AK3: variants seen among roughly 807,000 people sequenced by gnomAD.
AK3 encodes adenylate kinase 3.
AK3 carries 27 observed loss-of-function variants against 23.7 expected under a neutral mutation model. The ratio of observed to expected loss-of-function variants is 1.14; its 90% CI spans 0.84 to 1.57. The LOEUF (loss-of-function observed/expected upper bound fraction) is 1.57, where lower values mean the gene tolerates loss of function less well. AK3 is among the 40% of genes most tolerant of loss of function. The probability of loss-of-function intolerance (pLI) is 0.00; values close to 1 mark genes in which losing one functional copy is unlikely to be tolerated. For synonymous variants in AK3, 159 were observed against 116.0 expected (o/e 1.37, Z -2.38); for missense variants, 406 against 285.6 (o/e 1.42, Z -3.04).
rs778490978 is a variant in AK3, at chr9:4,740,946, G to A, written c.142C>T (p.Arg48Trp). The change falls in exon 1 of 5, where the codon CGG becomes TGG. Residue 48 changes from arginine to tryptophan, a missense_variant. Physicochemically the swap from Arg to Trp is moderately radical, Grantham distance 101 (BLOSUM62 -3). Transcript: ENST00000381809. ...GGCCCAGAGCTCCCACCTGTGCCCC[G>A]CAGCATGTTGTCCCGGAGCAGGTCC... ...SGDLLRDNML[R>W]GTEIGVLAKA... 1.3e-6 allele frequency: 2 copies of A among 1,568,840 alleles called. No homozygotes were observed. The highest frequency in any genetic ancestry group is 2.3e-5 in the South Asian group (2 of 86,360).
chr9:4,722,628 A>C lies in AK3; in HGVS notation c.152-3T>G. On this transcript the variant is annotated splice_region_variant and splice_polypyrimidine_tract_variant and intron_variant, in intron 1 of 4. Coordinates refer to ENST00000381809, the MANE Select transcript of AK3 (RefSeq NM_016282.4). Reference sequence around the variant, plus strand: ...AGCCTTGGCTAACACGCCAATTTCTACAGCAAAGCGGGGAAAAAAATCAGT... The same window carrying C: ...AGCCTTGGCTAACACGCCAATTTCTCCAGCAAAGCGGGGAAAAAAATCAGT... 1.2e-6 allele frequency: 2 copies of C among 1,614,186 alleles called. No homozygotes were observed. The highest frequency in any genetic ancestry group is 1.7e-6 in the Non-Finnish European group (2 of 1,180,016).
At chr9:4,741,206 G>T, upstream of AK3, 1 of 1,137,874 alleles carries the variant, frequency 8.8e-7, no homozygotes, top group Non-Finnish European at 1.1e-6. Context: ...GGCTACTGCG[G>T]TTCCCCGGCG....
chr9:4,711,637 G>A lies in AK3; in HGVS notation c.*1339C>T, dbSNP rs866264264. On this transcript the variant is annotated 3_prime_UTR_variant, in exon 5 of 5. Transcript: ENST00000381809. Reference sequence around the variant, plus strand: ...TAAGACGGCTTGTTTCATTTGATTTGGCACGAAGTAAAGTAAGAGTAAATA... The same window carrying A: ...TAAGACGGCTTGTTTCATTTGATTTAGCACGAAGTAAAGTAAGAGTAAATA... The A allele has an allele frequency of 6.6e-6, 1 of 152,258 alleles. No individual in the cohort carries two copies. Among genetic ancestry groups the A allele is most frequent in the Middle Eastern group, 3.4e-3 (1 of 294 alleles). The allele number at this position is 152,258 out of a possible 1,614,324, so 9.4% of individuals were successfully genotyped here.
intron 2 of AK3, among the ~76,000 whole-genome samples, chr9:4,720,662 C>G (rs1372744914): frequency 6.8e-6 from 1 of 146,432 alleles, no homozygotes; most frequent in African/African-American, 2.6e-5. Flanking sequence ...TGCACTGCAG[C>G]CTGGTGACAG....
At chr9:4,740,218 A>G (rs1224950075) in intron 1 of AK3, among the ~76,000 whole-genome samples, 1 of 152,212 alleles carries the variant, frequency 6.6e-6, no homozygotes, top group African/African-American at 2.4e-5. Context: ...TGGCTTTTCA[A>G]AAACAACCCT....
At chr9:4,713,122 AACAC>A in intron 4 of AK3, 26 bp from the exon 5 acceptor site, 1 of 1,612,076 alleles carries the variant, frequency 6.2e-7, no homozygotes, top group Non-Finnish European at 8.5e-7. Flanking sequence ...AAACAAAACA[AACAC>A]ACACAGGTCT....
At position 4,711,475 on chromosome 9, in the gene AK3, C is replaced by G. The variant is rs1389033736; in HGVS notation, c.*1501G>C. ...AAAACCTTGGTTCATCTTGAAAGAT[C>G]GATGAATTTTTTAAATATCAGAAGA... On this transcript the variant is annotated 3_prime_UTR_variant, in exon 5 of 5. Coordinates refer to ENST00000381809, the MANE Select transcript of AK3 (RefSeq NM_016282.4). 6.6e-6 allele frequency: 1 copy of G among 152,388 alleles called. No individual in the cohort carries two copies. Among genetic ancestry groups the G allele is most frequent in the Admixed American group, 6.6e-5 (1 of 15,234 alleles). The allele number at this position is 152,388 out of a possible 1,614,324, so 9.4% of individuals were successfully genotyped here.
At chr9:4,729,387 GC>G (rs1842102338) in intron 1 of AK3, among the ~76,000 whole-genome samples, 1 of 152,086 alleles carries the variant, frequency 6.6e-6, no homozygotes, top group Admixed American at 6.5e-5. Flanking sequence ...GAGGCAGGAG[GC>G]TGAGGCCCAG....
chr9:4,715,296 C>A (rs925872404), intron 4 of AK3, among the ~76,000 whole-genome samples: 1 of 150,836 alleles, frequency 6.6e-6, no homozygotes, highest in Admixed American at 6.6e-5. Flanking sequence ...CAGCAAAAGC[C>A]AGAAGGAGCC....
intron 1 of AK3, among the ~76,000 whole-genome samples, chr9:4,731,483 T>G (rs984416735): frequency 6.6e-6 from 1 of 152,090 alleles, no homozygotes; most frequent in African/African-American, 2.4e-5. Flanking sequence ...TATTTAATGG[T>G]GTCTATATCA....
In AK3 at chr9:4,710,912, A is replaced by G. The variant is rs902128664; in HGVS notation, c.*2064T>C. 1 of 152,184 alleles carries G rather than the reference A, an allele frequency of 6.6e-6. No homozygotes were observed. Among genetic ancestry groups the G allele is most frequent in the Non-Finnish European group, 1.5e-5 (1 of 68,042 alleles). The allele number at this position is 152,184 out of a possible 1,614,324, so 9.4% of individuals were successfully genotyped here. Reference sequence around the variant, plus strand: ...AACAGAGTGAGGCCCTGTCTAAAAAAAAATAAAGAAAAAAGTTGTATTACA... The same window carrying G: ...AACAGAGTGAGGCCCTGTCTAAAAAGAAATAAAGAAAAAAGTTGTATTACA... On this transcript the variant is annotated 3_prime_UTR_variant, in exon 5 of 5. Coordinates refer to ENST00000381809, the MANE Select transcript of AK3 (RefSeq NM_016282.4).
intron 1 of AK3, among the ~76,000 whole-genome samples, chr9:4,732,343 T>C (rs1019298142): frequency 6.6e-6 from 1 of 152,210 alleles, no homozygotes; most frequent in African/African-American, 2.4e-5. Context: ...GTGAATCAAT[T>C]GTGTATGCTA....
Position 4,736,926 on chromosome 9 carries a change from C to G in AK3, c.151+4011G>C, listed in dbSNP as rs1236883995. 7.2e-5 allele frequency among the ~76,000 whole-genome samples: 11 copies of G among 152,272 alleles called. No individual in the cohort carries two copies. In the East Asian group the frequency reaches 2.1e-3, roughly 29 times the overall value. Reference sequence around the variant, plus strand: ...CTCCTGGGCTCAAATGACCCTCCAGCCTTGGCCTCCCAAAGTGTTGAGATT... The same window carrying G: ...CTCCTGGGCTCAAATGACCCTCCAGGCTTGGCCTCCCAAAGTGTTGAGATT... On this transcript the variant is annotated intron_variant, in intron 1 of 4. Transcript: ENST00000381809.
intron 1 of AK3, among the ~76,000 whole-genome samples, chr9:4,730,685 ATC>A (rs1842132403): frequency 6.6e-6 from 1 of 152,298 alleles, no homozygotes; most frequent in Non-Finnish European, 1.5e-5. Flanking sequence ...TAGTCTAATA[ATC>A]TGTTTTTCAT....
intron 1 of AK3, among the ~76,000 whole-genome samples, chr9:4,727,238 C>T (rs1047859691): frequency 5.9e-5 from 9 of 152,182 alleles, no homozygotes; most frequent in Admixed American, 3.3e-4. Flanking sequence ...AGAGAGTCAG[C>T]CTGTCCTTTG....
In AK3 at chr9:4,710,785, C is replaced by G. The variant is rs1471040132; in HGVS notation, c.*2191G>C. ...ATTAGCCAGGCATGGTGGTACATAC[C>G]TGTAGTTTCAGCTACTTGGGAGGCT... is the stretch of plus-strand genomic sequence containing the variant. On this transcript the variant is annotated 3_prime_UTR_variant, in exon 5 of 5. Coordinates refer to ENST00000381809, the MANE Select transcript of AK3 (RefSeq NM_016282.4). 1 of 152,014 alleles carries G rather than the reference C, an allele frequency of 6.6e-6. No homozygotes were observed. Among genetic ancestry groups the G allele is most frequent in the African/African-American group, 2.4e-5 (1 of 41,356 alleles). 9.4% of individuals were successfully genotyped at this position (152,014 alleles called of 1,614,324 possible).
At chr9:4,728,644 CATT>C (rs1842072745) in intron 1 of AK3, among the ~76,000 whole-genome samples, 1 of 151,842 alleles carries the variant, frequency 6.6e-6, no homozygotes, top group African/African-American at 2.4e-5. Flanking sequence ...TTGCTGGTAG[CATT>C]ATAAAATGGT....
In AK3 at chr9:4,713,983, C is replaced by CCTACA. The variant is rs1211071830; in HGVS notation, c.564-892_564-888dup. Among the ~76,000 whole-genome samples the CCTACA allele has an allele frequency of 6.6e-5, 10 of 151,494 alleles. 1 individual carries two copies. Among genetic ancestry groups the CCTACA allele is most frequent in the Non-Finnish European group, 1.0e-4 (7 of 67,874 alleles). ...ATATACACACCTCCACATTTACACA[C>CCTACA]CTACACATATACGCCTACACATATA... is the stretch of plus-strand genomic sequence containing the variant. On this transcript the variant is annotated intron_variant, in intron 4 of 4. Coordinates refer to ENST00000381809, the MANE Select transcript of AK3 (RefSeq NM_016282.4).
chr9:4,713,453 T>G (rs190010313), intron 4 of AK3, among the ~76,000 whole-genome samples: 32 of 152,320 alleles, frequency 2.1e-4, no homozygotes, highest in East Asian at 1.3e-3. Flanking sequence ...AAATCATCCC[T>G]TTGTAATGTA....
Sources: gnomAD v4.1 joint callset for allele counts (sites outside exome capture counted in the v4.1 genomes callset) on GRCh38, gnomAD v4.1.1 for gene constraint, MANE v1.5 for transcripts, NCBI Gene and HGNC (gene_info 2026-07-23, HGNC 2026-07-21) for gene names.